TRPM8: variants seen among roughly 807,000 people sequenced by gnomAD.
TRPM8 encodes TRPM8 cationic channel.
Under a neutral mutation model 133.7 loss-of-function variants are expected in TRPM8, and 110 were observed. The ratio of observed to expected loss-of-function variants is 0.82; its 90% CI spans 0.70 to 0.96. The LOEUF (loss-of-function observed/expected upper bound fraction) is 0.96. Ranked by LOEUF, TRPM8 falls within the 40% of genes least tolerant of loss-of-function variation. The pLI, the probability that TRPM8 is intolerant of heterozygous loss-of-function variation, is 0.00. For synonymous variants in TRPM8, 535 were observed against 532.3 expected (o/e 1.01, Z -0.07); for missense variants, 1,291 against 1,379.5 (o/e 0.94, Z 1.02).
chr2:233,953,117 C>T (rs1691207809), intron 9 of TRPM8, among the ~76,000 whole-genome samples: 1 of 152,224 alleles, frequency 6.6e-6, no homozygotes, highest in Admixed American at 6.5e-5. Context: ...AGACCTCCAT[C>T]ACCACCTTTC....
Position 234,003,378 on chromosome 2 carries a change from G to A in TRPM8, c.3131-3475G>A, listed in dbSNP as rs181000435. 1.2e-4 allele frequency among the ~76,000 whole-genome samples: 18 copies of A among 152,312 alleles called. No homozygotes were observed. In the South Asian group the frequency reaches 2.5e-3, roughly 21 times the overall value. Reference sequence around the variant, plus strand: ...TGTTTTGACAATTTGGATAAGTTGCGTCTTTCTTTCCATCGTTTTGCCTTG... The same window carrying A: ...TGTTTTGACAATTTGGATAAGTTGCATCTTTCTTTCCATCGTTTTGCCTTG... On this transcript the variant is annotated intron_variant, in intron 22 of 25. Transcript: ENST00000324695.
chr2:233,972,985 G>A (rs1321721797), intron 17 of TRPM8, among the ~76,000 whole-genome samples: 5 of 152,246 alleles, frequency 3.3e-5, no homozygotes, highest in Non-Finnish European at 5.9e-5. Context: ...AGGAGGTGCC[G>A]AGAGCAAGCG....
At chr2:233,969,845 T>C in intron 16 of TRPM8, 38 bp downstream of exon 16, 1 of 1,276,376 alleles carries the variant, frequency 7.8e-7, no homozygotes, top group South Asian at 1.2e-5. Flanking sequence ...TGAGTGTGTG[T>C]GCCAGTGTGT....
intron 21 of TRPM8, 92 bp downstream of exon 21, chr2:233,985,957 C>G (rs1692139628): frequency 8.2e-7 from 1 of 1,213,778 alleles, no homozygotes; most frequent in Non-Finnish European, 1.2e-6. Flanking sequence ...AGGTCCCACC[C>G]TTGAGGAACA....
intron 1 of TRPM8, among the ~76,000 whole-genome samples, chr2:233,924,647 G>C (rs1691475948): frequency 1.3e-5 from 2 of 152,322 alleles, no homozygotes; most frequent in East Asian, 3.9e-4. Flanking sequence ...GAATGTCAGA[G>C]GAGGGCTATT....
intron 1 of TRPM8, among the ~76,000 whole-genome samples, chr2:233,923,437 T>C (rs548713749): frequency 1.7e-4 from 26 of 152,332 alleles, no homozygotes; most frequent in African/African-American, 6.3e-4. Context: ...GTGGTGCAGC[T>C]GTACCAAGGT....
intron 2 of TRPM8, among the ~76,000 whole-genome samples, chr2:233,927,860 CTCTTTCTTTCTTTCTT>C (rs1176809297): frequency 4.2e-5 from 1 of 24,092 alleles, no homozygotes; most frequent in Non-Finnish European, 6.7e-5. Flanking sequence ...TCCTTTCTTT[CTCTTTCTTTCTTTCTT>C]TCTTTCTTTC....
At chr2:233,932,295 G>A (rs1313764473) in intron 3 of TRPM8, among the ~76,000 whole-genome samples, 2 of 152,208 alleles carry the variant, frequency 1.3e-5, no homozygotes, top group African/African-American at 4.8e-5. Context: ...AATGGTCATT[G>A]TTGGTTGTGC....
rs1468110210 is a variant in TRPM8 at position 233,960,886 on chromosome 2, T to C, written c.1473T>C (p.Asp491=). 7 of 1,614,128 alleles carry C rather than the reference T, an allele frequency of 4.3e-6. No homozygotes were observed. Among genetic ancestry groups the C allele is most frequent in the East Asian group, 2.2e-5 (1 of 44,890 alleles). ...ACCTACGGAAGTTTCTCACCCATGA[T>C]GTCCTCACTGAACTCTTCTCCAACC... ...GLNLRKFLTH[D]VLTELFSNHF... The change falls in exon 12 of 26, where the codon GAT becomes GAC. Residue 491 remains aspartate, a synonymous_variant. Coordinates refer to ENST00000324695, the MANE Select transcript of TRPM8 (RefSeq NM_024080.5).
intron 22 of TRPM8, among the ~76,000 whole-genome samples, chr2:234,003,159 C>T (rs1018825620): frequency 6.6e-6 from 1 of 152,144 alleles, no homozygotes; most frequent in African/African-American, 2.4e-5. Context: ...TATTTCTGTG[C>T]TCTCCCTATA....
At chr2:233,999,250 C>T (rs984768907) in intron 22 of TRPM8, among the ~76,000 whole-genome samples, 8 of 152,188 alleles carry the variant, frequency 5.3e-5, no homozygotes, top group South Asian at 2.1e-4. Context: ...CTGGTCTGGA[C>T]ATCCACACGC....
At chr2:233,943,120 A>C in intron 6 of TRPM8, 1 of 226,662 alleles carries the variant, frequency 4.4e-6, no homozygotes, top group East Asian at 6.9e-5. Context: ...TTTTTTTTTT[A>C]TTATTATACT....
intron 7 of TRPM8, chr2:233,946,396 A>G (rs561836800): frequency 5.8e-6 from 1 of 173,700 alleles, no homozygotes; most frequent in South Asian, 1.7e-4. Flanking sequence ...TAGAAAAGAT[A>G]AAAACCAACC....
At chr2:233,926,805 G>T in intron 2 of TRPM8, 151 bp downstream of exon 2, 3 of 650,424 alleles carry the variant, frequency 4.6e-6, no homozygotes, top group African/African-American at 1.8e-5. Flanking sequence ...TCTTGTTTCC[G>T]GTCTGAGCCT....
In TRPM8 at chr2:233,966,636, G is replaced by C. The variant is rs374046957; in HGVS notation, c.1906G>C (p.Asp636His). 1 of 1,614,086 alleles carries C rather than the reference G, an allele frequency of 6.2e-7. No individual in the cohort carries two copies. Among genetic ancestry groups the C allele is most frequent in the South Asian group, 1.1e-5 (1 of 91,072 alleles). ...GCTGTTCACTGAGTGTTACAGCAGC[G>C]ATGAAGACTTGGCAGAACAGCTGCT... ...VELFTECYSS[D>H]EDLAEQLLVY... Residue 636 changes from aspartate (D) to histidine (H), a missense_variant, in exon 15 of 26, where the codon GAT becomes CAT. Asp to His is a moderately conservative substitution (Grantham distance 81). Around this residue, in one of 2 missense-constraint regions of TRPM8, gnomAD observed 963 missense variants for 968.9 expected, o/e 0.99. Transcript: ENST00000324695.
chr2:233,966,558 C>G, intron 14 of TRPM8, 52 bp from the exon 15 acceptor site: 1 of 1,608,416 alleles, frequency 6.2e-7, no homozygotes, highest in South Asian at 1.1e-5. Context: ...AGGACAGTTT[C>G]GGTCATGTGC....
chr2:233,970,612 T>C, intron 17 of TRPM8, 186 bp downstream of exon 17: 1 of 610,204 alleles, frequency 1.6e-6, no homozygotes, highest in Non-Finnish European at 2.9e-6. Flanking sequence ...TTCAGTAAGG[T>C]CTCCTAGTAC....
At chr2:233,970,959 A>T (rs1342925434) in intron 17 of TRPM8, among the ~76,000 whole-genome samples, 1 of 152,200 alleles carries the variant, frequency 6.6e-6, no homozygotes, top group Non-Finnish European at 1.5e-5. Context: ...CTACCGTTGA[A>T]CCCAGAAGTC....
At position 233,934,915 on chromosome 2, in the gene TRPM8, ACCT is replaced by A. The variant is rs574048275; in HGVS notation, c.192-2434_192-2432del. On this transcript the variant is annotated intron_variant, in intron 3 of 25. Transcript: ENST00000324695. ...TTACCATCTTGTAAATGAAAATGTG[ACCT>A]CCTGCCACAGAGTGCTTTTAGAATG... Among the ~76,000 whole-genome samples the A allele has an allele frequency of 1.5e-4, 23 of 152,206 alleles. No individual in the cohort carries two copies. The South Asian group carries it at 4.4e-3, about 29-fold the overall frequency.
Sources: allele counts gnomAD v4.1 joint callset (sites outside exome capture counted in the v4.1 genomes callset), GRCh38; gene constraint gnomAD v4.1.1; regional missense constraint gnomAD v4.1.1; transcripts MANE v1.5; gene names NCBI Gene and HGNC (gene_info 2026-07-23, HGNC 2026-07-21).